DPF3: variants seen among roughly 807,000 people sequenced by gnomAD.
DPF3 encodes the protein double PHD fingers 3.
Under a neutral mutation model 56.8 loss-of-function variants are expected in DPF3, and 18 were observed. The observed-to-expected ratio is 0.32, with a 90% CI of 0.22 to 0.47. DPF3 has a LOEUF of 0.47. DPF3 is among the 20% of genes least tolerant of loss of function. The pLI is 1.00. For synonymous variants in DPF3, 188 were observed against 180.2 expected (o/e 1.04, Z -0.35); for missense variants, 403 against 488.8 (o/e 0.82, Z 1.65).
intron 7 of DPF3, among the ~76,000 whole-genome samples, chr14:72,690,053 C>T (rs1027976356): frequency 1.3e-5 from 2 of 152,110 alleles, no homozygotes; most frequent in Non-Finnish European, 1.5e-5. Context: ...GAAGAGCCCA[C>T]TTTCTCATCA....
chr14:72,723,317 T>C (rs1053701218), intron 5 of DPF3, among the ~76,000 whole-genome samples: 1 of 152,058 alleles, frequency 6.6e-6, no homozygotes, highest in Admixed American at 6.6e-5. Context: ...TCCAGCCTTC[T>C]TTAGTAACCA....
At chr14:72,708,363 C>T (rs1326674571) in intron 6 of DPF3, among the ~76,000 whole-genome samples, 3 of 152,176 alleles carry the variant, frequency 2.0e-5, no homozygotes, top group Non-Finnish European at 2.9e-5. Flanking sequence ...GGATCAATCC[C>T]ATGCCACAAG....
rs1283262726 is a variant in DPF3, at chr14:72,611,176, C to A, written c.*8121G>T. On this transcript the variant is annotated 3_prime_UTR_variant, in exon 11 of 11. Coordinates refer to ENST00000556509, the MANE Select transcript of DPF3 (RefSeq NM_001280542.3). ...CCACACATGGACAGATACACACCTT[C>A]CCCCAAGCCCAGGCATTTTGCTTGA... Among the ~76,000 whole-genome samples the A allele has an allele frequency of 6.6e-6, 1 of 152,208 alleles. No individual in the cohort carries two copies. Among genetic ancestry groups the A allele is most frequent in the African/African-American group, 2.4e-5 (1 of 41,440 alleles).
chr14:72,744,833 G>A (rs1355574553), intron 3 of DPF3, among the ~76,000 whole-genome samples: 1 of 152,144 alleles, frequency 6.6e-6, no homozygotes, highest in African/African-American at 2.4e-5. Flanking sequence ...GTCCATAGGA[G>A]AGTCTGACGT....
At chr14:72,863,058 T>TTATATATATA (rs58405648) in intron 1 of DPF3, among the ~76,000 whole-genome samples, 240 of 139,552 alleles carry the variant, frequency 1.7e-3, no homozygotes, top group South Asian at 4.9e-3. Flanking sequence ...ATTATTCCAT[T>TTATATATATA]TATATATATA....
At chr14:72,787,663 C>T (rs1006601968) in intron 1 of DPF3, among the ~76,000 whole-genome samples, 4 of 152,170 alleles carry the variant, frequency 2.6e-5, no homozygotes, top group African/African-American at 7.2e-5. Flanking sequence ...CTCTCAAAAG[C>T]GCCCTTGCTT....
intron 3 of DPF3, 109 bp from the exon 4 acceptor site, chr14:72,732,043 C>T (rs531677209): frequency 7.2e-7 from 1 of 1,383,896 alleles, no homozygotes; most frequent in Non-Finnish European, 9.6e-7. Context: ...GGACTCGGGG[C>T]CTGTGCTCTC....
chr14:72,794,793 C>A (rs1321216320), intron 1 of DPF3, among the ~76,000 whole-genome samples: 1 of 152,122 alleles, frequency 6.6e-6, no homozygotes, highest in Non-Finnish European at 1.5e-5. Flanking sequence ...CAAAACGAGT[C>A]CTAAGGCTAA....
chr14:72,631,244 G>T (rs1368778548), intron 8 of DPF3, among the ~76,000 whole-genome samples: 1 of 152,168 alleles, frequency 6.6e-6, no homozygotes, highest in Non-Finnish European at 1.5e-5. Flanking sequence ...GACTTCTCAG[G>T]TACCATCCAA....
In DPF3 at chr14:72,799,702, TC is replaced by T. The variant is rs571646019; in HGVS notation, c.33-27810del. ...AGTGATCCGTTCAAGAGTGATCAGT[TC>T]AAGGGTGAAAATGTGGTCTGAGGCA... On this transcript the variant is annotated intron_variant, in intron 1 of 10. Transcript: ENST00000556509. Among the ~76,000 whole-genome samples, 862 of 152,172 alleles carry T rather than the reference TC, an allele frequency of 5.7e-3. 4 individuals are homozygous for T. Among genetic ancestry groups the T allele is most frequent in the Non-Finnish European group, 9.4e-3 (642 of 68,004 alleles).
At chr14:72,732,015 G>T (rs552407649) in intron 3 of DPF3, 81 bp from the exon 4 acceptor site, 2 of 1,511,874 alleles carry the variant, frequency 1.3e-6, no homozygotes, top group Non-Finnish European at 1.8e-6. Context: ...GACACGCAGG[G>T]CCCAGGGCTC....
intron 1 of DPF3, among the ~76,000 whole-genome samples, chr14:72,774,285 A>C (rs1291768800): frequency 1.3e-5 from 2 of 151,314 alleles, no homozygotes; most frequent in Non-Finnish European, 2.9e-5. Flanking sequence ...AAAAAAAAAA[A>C]AAAACCTGCT....
intron 8 of DPF3, among the ~76,000 whole-genome samples, chr14:72,638,824 T>C (rs577100115): frequency 4.5e-4 from 69 of 151,650 alleles, no homozygotes; most frequent in Admixed American, 1.1e-3. Context: ...TTTACATTTT[T>C]TTTTTTTTTT....
intron 1 of DPF3, among the ~76,000 whole-genome samples, chr14:72,805,674 C>T (rs1882742512): frequency 6.6e-6 from 1 of 152,016 alleles, no homozygotes; most frequent in South Asian, 2.1e-4. Flanking sequence ...GGTGAAATCC[C>T]GTCTCTACTA....
intron 1 of DPF3, among the ~76,000 whole-genome samples, chr14:72,848,226 C>T (rs952354550): frequency 6.6e-6 from 1 of 152,126 alleles, no homozygotes. Context: ...TGCAATGGCG[C>T]GATCTCGGCT....
chr14:72,822,887 C>CTGAAATG (rs1380822009), intron 1 of DPF3, among the ~76,000 whole-genome samples: 1 of 152,150 alleles, frequency 6.6e-6, no homozygotes, highest in Non-Finnish European at 1.5e-5. Flanking sequence ...ATTCACAAAT[C>CTGAAATG]TGAAATGCAA....
intron 5 of DPF3, among the ~76,000 whole-genome samples, chr14:72,719,146 T>C (rs1208857705): frequency 1.4e-5 from 2 of 141,624 alleles, no homozygotes; most frequent in East Asian, 4.5e-4. Context: ...CACAGCTCAA[T>C]GAAGCCTTAA....
At chr14:72,856,910 T>C (rs1342937297) in intron 1 of DPF3, among the ~76,000 whole-genome samples, 1 of 152,108 alleles carries the variant, frequency 6.6e-6, no homozygotes, top group Non-Finnish European at 1.5e-5. Context: ...GGCGAGGACT[T>C]AGGAGTTCAC....
chr14:72,666,493 A>G (rs780883813), intron 8 of DPF3, among the ~76,000 whole-genome samples: 4 of 152,228 alleles, frequency 2.6e-5, no homozygotes, highest in Admixed American at 6.5e-5. Flanking sequence ...AAAGATTATT[A>G]GAAGATCCAT....
Sources: gnomAD v4.1 joint callset for allele counts (sites outside exome capture counted in the v4.1 genomes callset) on GRCh38, gnomAD v4.1.1 for gene constraint, MANE v1.5 for transcripts, NCBI Gene and HGNC (gene_info 2026-07-23, HGNC 2026-07-21) for gene names.